The following ISM1 variants were observed in gnomAD, a reference collection of about 807,000 sequenced individuals.
ISM1 encodes isthmin 1.
A neutral mutation model predicts 46.3 loss-of-function variants in ISM1; 25 were observed. The ratio of observed to expected loss-of-function variants is 0.54; its 90% confidence interval spans 0.39 to 0.75. ISM1 has a LOEUF of 0.75. ISM1 is among the 30% of genes least tolerant of loss of function. The probability of loss-of-function intolerance (pLI) is 0.00; values close to 1 mark genes in which losing one functional copy is unlikely to be tolerated. For missense variants in ISM1, 536 were observed against 625.4 expected (o/e 0.86, Z 1.52); for synonymous variants, 255 against 256.7 (o/e 0.99, Z 0.06).
chr20:13,313,037 C>T, the ISM1 span, among the ~76,000 whole-genome samples: 9 of 152,178 alleles, frequency 5.9e-5, no homozygotes, highest in Admixed American at 3.3e-4. Flanking sequence ...AGGTCCCCCT[C>T]GAGCTAAAAG....
chr20:13,268,558 A>G (rs1461465677), intron 1 of ISM1, among the ~76,000 whole-genome samples: 2 of 152,204 alleles, frequency 1.3e-5, no homozygotes, highest in Non-Finnish European at 2.9e-5. Flanking sequence ...GCCCCCGGCC[A>G]CATCTTCTGA....
rs3041816 is a variant in ISM1, at chr20:13,268,347, CCT to C, written c.139-2101_139-2100del. Reference sequence around the variant, plus strand: ...TCTCTTTCTCCTTCTCCTTCTTCTTCCTCTCTCTCTCTCTCTCTCTCTCTCTC... The same window carrying C: ...TCTCTTTCTCCTTCTCCTTCTTCTTCCTCTCTCTCTCTCTCTCTCTCTCTC... On this transcript the variant is annotated intron_variant, in intron 1 of 5. Transcript: ENST00000262487. Among the ~76,000 whole-genome samples the C allele has an allele frequency of 3.8e-3, 252 of 66,564 alleles. 7 individuals carry two copies. Among genetic ancestry groups the C allele is most frequent in the South Asian group, 7.2e-3 (10 of 1,394 alleles). The allele number at this position is 66,564 out of a possible 152,430, so 43.7% of individuals were successfully genotyped here.
chr20:13,228,094 T>C (rs1195488997), intron 1 of ISM1, among the ~76,000 whole-genome samples: 2 of 150,982 alleles, frequency 1.3e-5, no homozygotes, highest in Admixed American at 1.3e-4. Context: ...TGCCTCAGCC[T>C]CCCAAATAGC....
chr20:13,284,698 C>T (rs1199816481), intron 3 of ISM1, among the ~76,000 whole-genome samples: 4 of 152,188 alleles, frequency 2.6e-5, no homozygotes, highest in Non-Finnish European at 5.9e-5. Flanking sequence ...GTGAAAGCTT[C>T]AGGGGAGTGA....
rs531132727 is a variant in ISM1 at position 13,224,847 on chromosome 20, T to C, written c.138+2933T>C. Among the ~76,000 whole-genome samples, 115 of 141,222 alleles carry C rather than the reference T, an allele frequency of 8.1e-4. 1 individual carries two copies. The highest frequency in any genetic ancestry group is 3.5e-3 in the Middle Eastern group (1 of 284). 92.6% of individuals were successfully genotyped at this position (141,222 alleles called of 152,430 possible). A position where few individuals can be genotyped will look rare whatever the true frequency, so the allele number is the denominator to read the frequency against. ...ACACATACTAGCTTTCTTTCTTTTT[T>C]TTTTTTTTTTTTTTTTGAGACGCAG... On this transcript the variant is annotated intron_variant, in intron 1 of 5. Transcript: ENST00000262487.
chr20:13,295,585 C>A (rs1311131128), intron 5 of ISM1, among the ~76,000 whole-genome samples: 1 of 152,186 alleles, frequency 6.6e-6, no homozygotes, highest in Non-Finnish European at 1.5e-5. Context: ...AAGACCCAGA[C>A]ACCAAGATGG....
chr20:13,223,209 A>AAAAT (rs1226099192), intron 1 of ISM1, among the ~76,000 whole-genome samples: 1 of 151,482 alleles, frequency 6.6e-6, no homozygotes, highest in Non-Finnish European at 1.5e-5. Context: ...ATAAATAAAT[A>AAAAT]AAATGAAATA....
intron 1 of ISM1, among the ~76,000 whole-genome samples, chr20:13,246,819 G>T (rs1466953318): frequency 6.6e-6 from 1 of 151,538 alleles, no homozygotes; most frequent in Non-Finnish European, 1.5e-5. Context: ...GACTGAACTT[G>T]GTTTTTAATA....
chr20:13,273,025 A>G (rs770829957), intron 2 of ISM1, among the ~76,000 whole-genome samples: 4 of 152,186 alleles, frequency 2.6e-5, no homozygotes, highest in Non-Finnish European at 5.9e-5. Context: ...ACTAACGCAA[A>G]GTCATAGGAA....
intron 1 of ISM1, among the ~76,000 whole-genome samples, chr20:13,259,065 C>T (rs1250632376): frequency 6.6e-6 from 1 of 152,026 alleles, no homozygotes; most frequent in East Asian, 1.9e-4. Context: ...GGTGGATCAC[C>T]TGAGGTCAGG....
At chr20:13,303,535 CA>C, downstream of ISM1, among the ~76,000 whole-genome samples, 1 of 152,300 alleles carries the variant, frequency 6.6e-6, no homozygotes, top group African/African-American at 2.4e-5. Flanking sequence ...ACATAACAGG[CA>C]CCTAACCTTC....
Position 13,221,544 on chromosome 20 carries a change from C to T in ISM1, c.-233C>T, listed in dbSNP as rs2039446762. ...GACACCCCCGGCCTCGCGGTGGCTC[C>T]GCCGTGGTGCGGCGGCGGCGGCGGC... is the stretch of plus-strand genomic sequence containing the variant. On this transcript the variant is annotated 5_prime_UTR_variant, in exon 1 of 6. Coordinates refer to ENST00000262487, the MANE Select transcript of ISM1 (RefSeq NM_080826.2). Among the ~76,000 whole-genome samples the T allele has an allele frequency of 7.0e-6, 1 of 143,720 alleles. No individual in the cohort carries two copies. The highest frequency in any genetic ancestry group is 2.5e-5 in the African/African-American group (1 of 40,100). 94.3% of individuals were successfully genotyped at this position (143,720 alleles called of 152,430 possible).
At chr20:13,309,722 T>C in the ISM1 span, among the ~76,000 whole-genome samples, 10 of 152,142 alleles carry the variant, frequency 6.6e-5, no homozygotes, top group South Asian at 4.1e-4. Flanking sequence ...AAAAAGCTGA[T>C]AGAATTAATA....
chr20:13,315,225 T>C, the ISM1 span, among the ~76,000 whole-genome samples: 4 of 152,168 alleles, frequency 2.6e-5, no homozygotes, highest in East Asian at 5.8e-4. Context: ...ATCAATGACC[T>C]AAATATACCA....
chr20:13,280,663 G>A (rs930433610), intron 3 of ISM1, among the ~76,000 whole-genome samples: 120 of 152,186 alleles, frequency 7.9e-4, no homozygotes, highest in Non-Finnish European at 1.9e-4. Context: ...AAGAAAGGGA[G>A]CCTGGAGAAG....
chr20:13,229,897 C>T (rs550675498), intron 1 of ISM1, among the ~76,000 whole-genome samples: 42 of 152,260 alleles, frequency 2.8e-4, no homozygotes, highest in East Asian at 2.3e-3. Context: ...ACTCATATTT[C>T]TTCTACCTCC....
chr20:13,308,645 G>A, the ISM1 span, among the ~76,000 whole-genome samples: 1 of 152,158 alleles, frequency 6.6e-6, no homozygotes, highest in Non-Finnish European at 1.5e-5. Flanking sequence ...GCTGTTAAAT[G>A]ATCTAGGCTA....
intron 1 of ISM1, among the ~76,000 whole-genome samples, chr20:13,224,461 C>CT (rs1223923901): frequency 2.0e-5 from 3 of 152,298 alleles, no homozygotes; most frequent in Non-Finnish European, 4.4e-5. Context: ...TGTATTCTTT[C>CT]TTTTTACCAG....
chr20:13,293,338 T>G (rs1882000715), intron 5 of ISM1, among the ~76,000 whole-genome samples: 1 of 152,144 alleles, frequency 6.6e-6, no homozygotes, highest in South Asian at 2.1e-4. Flanking sequence ...AGGTGCAAGG[T>G]GCAAGCTTAC....
Sources: gnomAD v4.1 joint callset for allele counts (sites outside exome capture counted in the v4.1 genomes callset) on GRCh38, gnomAD v4.1.1 for gene constraint, MANE v1.5 for transcripts, NCBI Gene and HGNC (gene_info 2026-07-23, HGNC 2026-07-21) for gene names.